The following SMYD3 variants were observed in gnomAD, a reference collection of about 807,000 sequenced individuals.
SMYD3 encodes histone-lysine N-methyltransferase SMYD3.
In SMYD3, 36 loss-of-function variants were observed where a neutral mutation model predicts 57.7. That is an observed-to-expected ratio of 0.62 (90% CI 0.48 to 0.82). The LOEUF is 0.82. SMYD3 is among the 40% of genes least tolerant of loss of function. SMYD3 has a pLI of 0.00. For synonymous variants in SMYD3, 211 were observed against 195.0 expected (o/e 1.08, Z -0.68); for missense variants, 515 against 538.8 (o/e 0.96, Z 0.44).
chr1:246,290,177 G>A (rs1171366285), intron 5 of SMYD3, among the ~76,000 whole-genome samples: 1 of 152,156 alleles, frequency 6.6e-6, no homozygotes, highest in Non-Finnish European at 1.5e-5. Context: ...GAGTTTTCCA[G>A]CAAAAACTGG....
At chr1:246,183,839 T>C (rs1026911036) in intron 5 of SMYD3, among the ~76,000 whole-genome samples, 1 of 152,140 alleles carries the variant, frequency 6.6e-6, no homozygotes, top group Non-Finnish European at 1.5e-5. Flanking sequence ...TAAAGTCCTA[T>C]AAAAATGACA....
In SMYD3 at chr1:246,248,631, C is replaced by CTTGTTTTTTTTTTTTTTTTTTT. The variant is rs1309872022; in HGVS notation, c.531+78569_531+78570insAAAAAAAAAAAAAAAAAAACAA. On this transcript the variant is annotated intron_variant, in intron 5 of 11. Coordinates refer to ENST00000490107, the MANE Select transcript of SMYD3 (RefSeq NM_001167740.2). ...GGCCAGTTATGCAAAAGCTCTCTGACTTTCCTTTTTTTTTTTTTTTTTTTT... is the reference window on the plus strand; with the variant it reads ...GGCCAGTTATGCAAAAGCTCTCTGACTTGTTTTTTTTTTTTTTTTTTTTTTCCTTTTTTTTTTTTTTTTTTTT... Among the ~76,000 whole-genome samples the CTTGTTTTTTTTTTTTTTTTTTT allele has an allele frequency of 2.5e-5, 3 of 119,260 alleles. 1 individual carries two copies. Among genetic ancestry groups the CTTGTTTTTTTTTTTTTTTTTTT allele is most frequent in the Non-Finnish European group, 1.6e-5 (1 of 60,668 alleles). The allele number at this position is 119,260 out of a possible 152,430, so 78.2% of individuals were successfully genotyped here. A position where few individuals can be genotyped will look rare whatever the true frequency, so the allele number is the denominator to read the frequency against.
At chr1:245,766,130 C>A (rs2817503) in intron 10 of SMYD3, among the ~76,000 whole-genome samples, 56 of 151,576 alleles carry the variant, frequency 3.7e-4, no homozygotes, top group African/African-American at 1.3e-3. Context: ...AGGGGCTGGG[C>A]GCGGCGGCTC....
chr1:246,224,615 T>C (rs960436229), intron 5 of SMYD3, among the ~76,000 whole-genome samples: 44 of 150,222 alleles, frequency 2.9e-4, no homozygotes, highest in African/African-American at 1.1e-3. Context: ...AGAAAGAATA[T>C]AGAGGAGCAG....
chr1:245,793,105 C>A (rs11583273), intron 10 of SMYD3, among the ~76,000 whole-genome samples: 14 of 139,620 alleles, frequency 1.0e-4, no homozygotes, highest in East Asian at 2.2e-4. Flanking sequence ...ATCAGGAGAT[C>A]AAGACCATCC....
chr1:246,179,709 C>T (rs967670477), intron 5 of SMYD3, among the ~76,000 whole-genome samples: 47 of 152,120 alleles, frequency 3.1e-4, no homozygotes, highest in African/African-American at 1.1e-3. Context: ...CCCATCTTAA[C>T]CTTGAGTATA....
intron 5 of SMYD3, among the ~76,000 whole-genome samples, chr1:246,173,608 G>A (rs995946638): frequency 5.9e-5 from 9 of 151,768 alleles, no homozygotes; most frequent in African/African-American, 2.2e-4. Flanking sequence ...TGTTAAAAAC[G>A]ACGACACAAA....
chr1:245,971,397 A>G (rs1256805127), intron 5 of SMYD3, among the ~76,000 whole-genome samples: 1 of 152,142 alleles, frequency 6.6e-6, no homozygotes, highest in Non-Finnish European at 1.5e-5. Flanking sequence ...ATACCTATGT[A>G]ACAAAGCTGC....
At chr1:246,437,810 C>T (rs2067402881) in intron 1 of SMYD3, among the ~76,000 whole-genome samples, 1 of 152,000 alleles carries the variant, frequency 6.6e-6, no homozygotes, top group Non-Finnish European at 1.5e-5. Context: ...TCATTATTTC[C>T]ATAACAATAA....
At chr1:246,414,284 G>A (rs1222309367) in intron 1 of SMYD3, among the ~76,000 whole-genome samples, 5 of 152,114 alleles carry the variant, frequency 3.3e-5, no homozygotes, top group African/African-American at 1.2e-4. Context: ...CATATTAGAG[G>A]AAATCAAAAG....
chr1:245,794,006 C>T (rs2047415411), intron 10 of SMYD3, among the ~76,000 whole-genome samples: 4 of 152,076 alleles, frequency 2.6e-5, no homozygotes. Flanking sequence ...AAAAACCAAA[C>T]AAAAAACCTG....
At chr1:246,037,981 T>A (rs1056649567) in intron 5 of SMYD3, among the ~76,000 whole-genome samples, 30 of 152,186 alleles carry the variant, frequency 2.0e-4, no homozygotes, top group African/African-American at 7.0e-4. Flanking sequence ...TCTGCCACCA[T>A]AGGGTGAAAG....
intron 7 of SMYD3, among the ~76,000 whole-genome samples, chr1:245,915,843 T>C (rs1469329081): frequency 3.3e-5 from 5 of 152,350 alleles, no homozygotes; most frequent in South Asian, 4.1e-4. Context: ...GTCTTTGCTA[T>C]GTGGTAAATA....
At chr1:246,326,869 C>G (rs767438568) in intron 5 of SMYD3, 3 of 338,838 alleles carry the variant, frequency 8.9e-6, no homozygotes, top group Non-Finnish European at 1.6e-5. Flanking sequence ...TGCAATGCAA[C>G]GGCAAACAAG....
At chr1:246,172,703 C>A (rs2062362794) in intron 5 of SMYD3, among the ~76,000 whole-genome samples, 1 of 146,100 alleles carries the variant, frequency 6.8e-6, no homozygotes, top group African/African-American at 2.6e-5. Context: ...CTAGAACACT[C>A]ACTGTTCTCT....
At chr1:246,446,984 G>A (rs939906262) in intron 1 of SMYD3, among the ~76,000 whole-genome samples, 2 of 149,772 alleles carry the variant, frequency 1.3e-5, no homozygotes, top group African/African-American at 2.5e-5. Flanking sequence ...AGCCGAGATC[G>A]TGCCACTGCA....
intron 4 of SMYD3, among the ~76,000 whole-genome samples, chr1:246,328,936 C>A (rs924140546): frequency 7.3e-5 from 11 of 151,206 alleles, no homozygotes; most frequent in African/African-American, 2.7e-4. Context: ...TGAGAATATG[C>A]GGTGTTTGGT....
chr1:246,427,794 C>T (rs1169791701), intron 1 of SMYD3, among the ~76,000 whole-genome samples: 1 of 151,866 alleles, frequency 6.6e-6, no homozygotes, highest in Non-Finnish European at 1.5e-5. Flanking sequence ...GTTGAGGCTG[C>T]GATGAGCCAT....
chr1:246,198,501 C>T lies in SMYD3; in HGVS notation c.531+128700G>A, dbSNP rs1338932263. Among the ~76,000 whole-genome samples the T allele has an allele frequency of 3.9e-5, 6 of 151,982 alleles. No individual in the cohort carries two copies. In the South Asian group the frequency reaches 6.2e-4, roughly 16 times the overall value. On this transcript the variant is annotated intron_variant, in intron 5 of 11. Transcript: ENST00000490107. ...TGAAGACACATTCAATAAGAATGAC[C>T]GGGGTACATAGTATGTTATTCATCT...
Sources: gnomAD v4.1 joint callset for allele counts (sites outside exome capture counted in the v4.1 genomes callset) on GRCh38, gnomAD v4.1.1 for gene constraint, MANE v1.5 for transcripts, NCBI Gene and HGNC (gene_info 2026-07-23, HGNC 2026-07-21) for gene names.